The following OR2L13 variants were observed in gnomAD, a reference collection of about 807,000 sequenced individuals.
OR2L13 encodes the protein olfactory receptor 2L13.
In OR2L13, 14 loss-of-function variants were observed where a neutral mutation model predicts 15.3. That is an observed-to-expected ratio of 0.91 (90% CI 0.60 to 1.43). OR2L13 has a LOEUF of 1.43. Among genes scored for constraint, OR2L13 ranks in the 40% most tolerant of loss-of-function variants. The pLI is 0.00. For synonymous variants in OR2L13, 152 were observed against 142.9 expected (o/e 1.06, Z -0.45); for missense variants, 367 against 387.9 (o/e 0.95, Z 0.45).
At chr1:248,095,566 A>G (rs1316481957), upstream of OR2L13, among the ~76,000 whole-genome samples, 2 of 138,308 alleles carry the variant, frequency 1.4e-5, no homozygotes, top group Non-Finnish European at 3.1e-5. Flanking sequence ...AAATAATTAT[A>G]TGGAATGTTT....
At chr1:248,061,975 T>C in the OR2L13 span, 1 of 172,598 alleles carries the variant, frequency 5.8e-6, no homozygotes, top group Non-Finnish European at 1.2e-5. Context: ...TCCAGTAATT[T>C]TAAATTTACT....
the OR2L13 span, chr1:248,084,308 A>C: frequency 6.2e-7 from 1 of 1,612,042 alleles, no homozygotes; most frequent in African/African-American, 1.3e-5. Context: ...AGATCTGCAC[A>C]CCACAGCCAG....
At chr1:248,061,937 T>C in the OR2L13 span, 2 of 212,852 alleles carry the variant, frequency 9.4e-6, no homozygotes, top group Non-Finnish European at 1.9e-5. Flanking sequence ...GCACTCAGCA[T>C]AACAATTTCC....
chr1:247,959,149 ATC>A, the OR2L13 span, among the ~76,000 whole-genome samples: 1 of 152,008 alleles, frequency 6.6e-6, no homozygotes, highest in Non-Finnish European at 1.5e-5. Flanking sequence ...TGGTGACAAA[ATC>A]TCTCAGCATT....
chr1:248,065,424 C>CATTT, the OR2L13 span, among the ~76,000 whole-genome samples: 4 of 146,770 alleles, frequency 2.7e-5, no homozygotes, highest in East Asian at 2.0e-4. Context: ...TTTTTTTTTG[C>CATTT]ATTTATTTAT....
the OR2L13 span, among the ~76,000 whole-genome samples, chr1:248,065,791 C>A: frequency 6.6e-6 from 1 of 151,990 alleles, no homozygotes; most frequent in Non-Finnish European, 1.5e-5. Flanking sequence ...GAATTACATG[C>A]CATCCACAAA....
the OR2L13 span, among the ~76,000 whole-genome samples, chr1:247,956,674 G>A: frequency 4.0e-5 from 6 of 151,620 alleles, no homozygotes; most frequent in African/African-American, 1.5e-4. Flanking sequence ...CTTCTAAGTT[G>A]GATTCCTAAG....
chr1:247,990,209 A>G, the OR2L13 span: 4 of 641,034 alleles, frequency 6.2e-6, no homozygotes, highest in South Asian at 1.8e-5. Flanking sequence ...ATAAGGGGGA[A>G]CTACTGTACT....
chr1:247,990,739 C>T, the OR2L13 span: 1 of 1,583,254 alleles, frequency 6.3e-7, no homozygotes, highest in Non-Finnish European at 8.7e-7. Context: ...CTCTTGTGCT[C>T]ACACGGTATA....
At chr1:248,092,548 A>G (rs1476144752), upstream of OR2L13, among the ~76,000 whole-genome samples, 1 of 152,194 alleles carries the variant, frequency 6.6e-6, no homozygotes, top group Non-Finnish European at 1.5e-5. Context: ...ATTCAACAAC[A>G]TTAGAATACA....
chr1:247,982,856 A>C, the OR2L13 span, among the ~76,000 whole-genome samples: 1 of 152,102 alleles, frequency 6.6e-6, no homozygotes, highest in Non-Finnish European at 1.5e-5. Context: ...GTTATTTACT[A>C]TCTATAATGA....
the OR2L13 span, among the ~76,000 whole-genome samples, chr1:248,088,978 C>T: frequency 6.6e-6 from 1 of 152,088 alleles, no homozygotes; most frequent in Admixed American, 6.5e-5. Flanking sequence ...TCAATTTAAT[C>T]CTGACACTGA....
chr1:247,939,093 T>C, the OR2L13 span: 1 of 152,110 alleles, frequency 6.6e-6, no homozygotes, highest in South Asian at 2.1e-4. Flanking sequence ...GCTTAGAGAG[T>C]TTAAGAGGCT....
At chr1:247,947,807 TAGG>T in the OR2L13 span, among the ~76,000 whole-genome samples, 1 of 152,194 alleles carries the variant, frequency 6.6e-6, no homozygotes, top group East Asian at 1.9e-4. Flanking sequence ...GGTTTCTAAA[TAGG>T]AGGACCAAAT....
At chr1:247,979,457 C>G in the OR2L13 span, among the ~76,000 whole-genome samples, 1 of 152,106 alleles carries the variant, frequency 6.6e-6, no homozygotes, top group Non-Finnish European at 1.5e-5. Context: ...TGATGGTTTC[C>G]AGCTTCGTCC....
the OR2L13 span, chr1:247,949,696 T>A: frequency 1.9e-6 from 3 of 1,613,898 alleles, no homozygotes; most frequent in Non-Finnish European, 2.5e-6. Context: ...TACACCATCC[T>A]CACCCCAATG....
At chr1:247,954,813 T>C in the OR2L13 span, among the ~76,000 whole-genome samples, 1 of 152,070 alleles carries the variant, frequency 6.6e-6, no homozygotes, top group African/African-American at 2.4e-5. Flanking sequence ...ACTTGAAAAT[T>C]GCTAGAAAAA....
the OR2L13 span, among the ~76,000 whole-genome samples, chr1:248,031,311 T>A: frequency 6.6e-6 from 1 of 152,220 alleles, no homozygotes; most frequent in Admixed American, 6.5e-5. Flanking sequence ...AGATGCTACA[T>A]TGGTGTTCAT....
the OR2L13 span, among the ~76,000 whole-genome samples, chr1:247,959,487 C>T: frequency 6.6e-6 from 1 of 152,020 alleles, no homozygotes; most frequent in Non-Finnish European, 1.5e-5. Flanking sequence ...TGAATGTTGG[C>T]CTGCCTTGCT....
Sources: gnomAD v4.1 joint callset for allele counts (sites outside exome capture counted in the v4.1 genomes callset) on GRCh38, gnomAD v4.1.1 for gene constraint, MANE v1.5 for transcripts, NCBI Gene and HGNC (gene_info 2026-07-23, HGNC 2026-07-21) for gene names.